Variants in BACE1 observed in about 807,000 individuals in gnomAD.
BACE1 encodes beta-secretase 1, also known as APP beta-secretase.
BACE1 carries 21 observed loss-of-function variants against 54.0 expected under a neutral mutation model. The observed-to-expected ratio is 0.39, with a 90% CI of 0.28 to 0.56. The LOEUF is 0.56. Among genes scored for constraint, BACE1 ranks in the 20% least tolerant of loss-of-function variants. The probability of loss-of-function intolerance (pLI) is 0.63; values close to 1 mark genes in which losing one functional copy is unlikely to be tolerated. For missense variants in BACE1, 511 were observed against 661.2 expected (o/e 0.77, Z 2.49); for synonymous variants, 232 against 260.9 (o/e 0.89, Z 1.07).
At chr11:117,312,952 G>GT (rs1249919247) in intron 1 of BACE1, among the ~76,000 whole-genome samples, 6 of 152,196 alleles carry the variant, frequency 3.9e-5, no homozygotes, top group African/African-American at 7.2e-5. Context: ...CACTTCCACT[G>GT]TAACTCTATG....
intron 1 of BACE1, 27 bp from the exon 2 acceptor site, chr11:117,296,988 C>A (rs779767069): frequency 1.5e-5 from 23 of 1,571,016 alleles, no homozygotes; most frequent in Non-Finnish European, 2.0e-5. Context: ...AGAGAAAAGA[C>A]AGTATAGACA....
chr11:117,291,604 T>C (rs1002361591), intron 6 of BACE1, 108 bp downstream of exon 6: 2 of 784,948 alleles, frequency 2.5e-6, no homozygotes, highest in Non-Finnish European at 2.1e-6. Flanking sequence ...GAGCTCTGAG[T>C]AGAAGGGTCT....
At chr11:117,302,697 A>G (rs1190990437) in intron 1 of BACE1, among the ~76,000 whole-genome samples, 1 of 152,220 alleles carries the variant, frequency 6.6e-6, no homozygotes, top group Non-Finnish European at 1.5e-5. Context: ...AGCCTGGCCA[A>G]CATGGTGAAA....
rs1215778017 is a variant in BACE1 at position 117,289,609 on chromosome 11, T to G, written c.1463A>C (p.Gln488Pro). 3.7e-6 allele frequency: 6 copies of G among 1,614,194 alleles called. No individual in the cohort carries two copies. The highest frequency in any genetic ancestry group is 1.6e-4 in the Middle Eastern group (1 of 6,062). Reference sequence around the variant, plus strand: ...GTCATCAGCAAAGTCATCATGCTGCTGGCGCAGGCAGCGGAGGCAGCGCCA... The same window carrying G: ...GTCATCAGCAAAGTCATCATGCTGCGGGCGCAGGCAGCGGAGGCAGCGCCA... ...CQWRCLRCLR[Q>P]QHDDFADDIS... The change falls in exon 9 of 9, where the codon CAG (glutamine) becomes CCG (proline). Residue 488 changes from glutamine to proline, a missense_variant. This residue lies in a region of BACE1 where 407 missense variants were observed against 565.7 expected (regional missense o/e 0.72). Transcript: ENST00000313005.
chr11:117,296,211 T>C (rs1256776113), intron 2 of BACE1, among the ~76,000 whole-genome samples: 1 of 152,136 alleles, frequency 6.6e-6, no homozygotes, highest in African/African-American at 2.4e-5. Flanking sequence ...TACCCCTCAC[T>C]GCCTCTTATC....
chr11:117,290,542 C>T lies in BACE1; in HGVS notation c.1210G>A (p.Val404Ile), dbSNP rs533069014. The T allele has an allele frequency of 2.5e-5, 41 of 1,614,216 alleles. No homozygotes were observed. The highest frequency in any genetic ancestry group is 1.2e-4 in the South Asian group (11 of 91,088). The change falls in exon 8 of 9, where the codon GTT (valine) becomes ATT (isoleucine). Residue 404 changes from valine to isoleucine, a missense_variant. Physicochemically the swap from Val to Ile is conservative, Grantham distance 29. This residue lies in a region of BACE1 where 407 missense variants were observed against 565.7 expected (regional missense o/e 0.72). Transcript: ENST00000313005. ...MGAVIMEGFY[V>I]VFDRARKRIG... ...CGTTTTCGGGCCCGATCAAAGACAA[C>T]GTAGAAGCCCTCCATGATAACAGCT...
chr11:117,294,003 G>A lies in BACE1; in HGVS notation c.573C>T (p.Asp191=), dbSNP rs780804117. ...AGTCAAAGAAAGGCTCCAGGGAGTCGTCAGGCTTTGGCAGAAAGAGACAAG... is the reference window on the plus strand; with the variant it reads ...AGTCAAAGAAAGGCTCCAGGGAGTCATCAGGCTTTGGCAGAAAGAGACAAG... The part of the protein sequence containing the change: ...GLAYAEIARP[D]DSLEPFFDSL... The change falls in exon 4 of 9, where the codon GAC becomes GAT. Residue 191 remains aspartate, a synonymous_variant. Coordinates refer to ENST00000313005, the MANE Select transcript of BACE1 (RefSeq NM_012104.6). 1.9e-5 allele frequency: 31 copies of A among 1,613,126 alleles called. No individual in the cohort carries two copies. The highest frequency in any genetic ancestry group is 1.3e-4 in the East Asian group (6 of 44,802).
intron 1 of BACE1, among the ~76,000 whole-genome samples, chr11:117,302,422 C>T (rs1447882059): frequency 6.6e-6 from 1 of 152,182 alleles, no homozygotes; most frequent in Non-Finnish European, 1.5e-5. Flanking sequence ...TATCTCAGTT[C>T]CCCACACCAG....
chr11:117,296,822 G>T, intron 2 of BACE1, 51 bp downstream of exon 2: 2 of 1,422,390 alleles, frequency 1.4e-6, no homozygotes, highest in Non-Finnish European at 2.0e-6. Context: ...ACCCTTCTTA[G>T]CCCTGGATCC....
At chr11:117,296,794 C>T in intron 2 of BACE1, 79 bp downstream of exon 2, 1 of 1,137,432 alleles carries the variant, frequency 8.8e-7, no homozygotes, top group Non-Finnish European at 1.3e-6. Flanking sequence ...AACTCTTTCT[C>T]TCTGTACCCC....
intron 1 of BACE1, among the ~76,000 whole-genome samples, chr11:117,305,721 T>C (rs562063689): frequency 1.3e-5 from 2 of 152,212 alleles, no homozygotes; most frequent in East Asian, 3.9e-4. Context: ...GACAGTAATT[T>C]TCAAACTTTT....
In BACE1 at chr11:117,312,452, A is replaced by G. The variant is rs575847286; in HGVS notation, c.261+3083T>C. Among the ~76,000 whole-genome samples, 4 of 151,862 alleles carry G rather than the reference A, an allele frequency of 2.6e-5. No homozygotes were observed. The East Asian group carries it at 5.8e-4, about 22-fold the overall frequency. On this transcript the variant is annotated intron_variant, in intron 1 of 8. Transcript: ENST00000313005. Reference sequence around the variant, plus strand: ...GCACTCACTCTCTGCACTCCTATAAATACATTATTCTCTTTTCTTTTTTTT... The same window carrying G: ...GCACTCACTCTCTGCACTCCTATAAGTACATTATTCTCTTTTCTTTTTTTT...
chr11:117,287,777 G>A lies in BACE1; in HGVS notation c.*1789C>T, dbSNP rs986502359. 1 of 152,688 alleles carries A rather than the reference G, an allele frequency of 6.5e-6. No homozygotes were observed. The highest frequency in any genetic ancestry group is 1.5e-5 in the Non-Finnish European group (1 of 68,050). 9.5% of individuals were successfully genotyped at this position (152,688 alleles called of 1,614,324 possible). On this transcript the variant is annotated 3_prime_UTR_variant, in exon 9 of 9. Coordinates refer to ENST00000313005, the MANE Select transcript of BACE1 (RefSeq NM_012104.6). The stretch of plus-strand genomic sequence containing the variant: ...CCAGTCAGCCAAAGCAGCACCAAGT[G>A]CAGTGGGAATGAAGAGAACCCAGAT...
chr11:117,304,442 C>G (rs609332), intron 1 of BACE1, among the ~76,000 whole-genome samples: 19,274 of 152,222 alleles, frequency 0.13, 1,227 homozygotes, highest in Admixed American at 0.16. Flanking sequence ...GTCTGTTACC[C>G]AGCATCAGAT....
In BACE1 at chr11:117,316,230, G is replaced by A. The variant is rs2035122560; in HGVS notation, c.-435C>T. 9.2e-6 allele frequency: 4 copies of A among 434,460 alleles called. No individual in the cohort carries two copies. The Admixed American group carries it at 1.7e-4, about 19-fold the overall frequency. The allele number at this position is 434,460 out of a possible 1,614,324, so 26.9% of individuals were successfully genotyped here. On this transcript the variant is annotated 5_prime_UTR_variant, in exon 1 of 9. Coordinates refer to ENST00000313005, the MANE Select transcript of BACE1 (RefSeq NM_012104.6). ...CCAGCTCGCGGCTCGCAGCTCCCGG[G>A]CGGGCTGGGGAGGCGGAAAGACTTG...
Position 117,290,517 on chromosome 11 carries a change from C to G in BACE1, c.1235G>C (p.Arg412Pro). Reference protein sequence around the residue: ...FYVVFDRARKRIGFAVSACHV... With the variant: ...FYVVFDRARKPIGFAVSACHV... ...GCAAGCGCTGACAGCAAAGCCAATT[C>G]GTTTTCGGGCCCGATCAAAGACAAC... Residue 412 changes from arginine to proline, a missense_variant, in exon 8 of 9, where the codon CGA (arginine) becomes CCA (proline). Physicochemically the swap from Arg to Pro is moderately radical, Grantham distance 103 (BLOSUM62 -2). This residue lies in a region of BACE1 where 407 missense variants were observed against 565.7 expected (regional missense o/e 0.72). Transcript: ENST00000313005. The G allele has an allele frequency of 1.9e-6, 3 of 1,614,166 alleles. No individual in the cohort carries two copies. The highest frequency in any genetic ancestry group is 2.5e-6 in the Non-Finnish European group (3 of 1,180,008).
chr11:117,312,492 T>C (rs1158921389), intron 1 of BACE1, among the ~76,000 whole-genome samples: 2 of 152,130 alleles, frequency 1.3e-5, no homozygotes, highest in Non-Finnish European at 2.9e-5. Flanking sequence ...AGACGGAGTC[T>C]CGCTCTGTCA....
In BACE1 at chr11:117,313,761, C is replaced by T. The variant is rs28917242; in HGVS notation, c.261+1774G>A. Among the ~76,000 whole-genome samples, 139 of 152,198 alleles carry T rather than the reference C, an allele frequency of 9.1e-4. 3 individuals are homozygous for T. In the East Asian group the frequency reaches 0.026, roughly 28 times the overall value. ...GTAAAACGTGGAGGCCCAGGACATC[C>T]GAGTTTTTATGCCTCATTGCATAGA... On this transcript the variant is annotated intron_variant, in intron 1 of 8. Coordinates refer to ENST00000313005, the MANE Select transcript of BACE1 (RefSeq NM_012104.6).
chr11:117,307,286 G>T (rs1027043089), intron 1 of BACE1, among the ~76,000 whole-genome samples: 3 of 152,074 alleles, frequency 2.0e-5, no homozygotes, highest in Non-Finnish European at 4.4e-5. Context: ...TAGGTATGGG[G>T]GCTTCCCTGG....
Sources: gnomAD v4.1 joint callset for allele counts (sites outside exome capture counted in the v4.1 genomes callset) on GRCh38, gnomAD v4.1.1 for gene constraint, gnomAD v4.1.1 regional missense constraint, MANE v1.5 for transcripts, NCBI Gene and HGNC (gene_info 2026-07-23, HGNC 2026-07-21) for gene names.